Variants in VWA8 observed in about 807,000 individuals in gnomAD.
The protein encoded by VWA8 is von Willebrand factor A domain containing 8, also known as von Willebrand factor A domain-containing protein 8.
VWA8 carries 221 observed loss-of-function variants against 241.5 expected under a neutral mutation model. The observed-to-expected ratio is 0.91, with a 90% CI of 0.82 to 1.02. The LOEUF (loss-of-function observed/expected upper bound fraction) is 1.02. Among genes scored for constraint, VWA8 ranks in the 50% least tolerant of loss-of-function variants. The pLI is 0.00. For synonymous variants in VWA8, 852 were observed against 827.1 expected, an observed-to-expected ratio of 1.03 and a Z score of -0.52; for missense variants, 2,322 against 2,328.7, an observed-to-expected ratio of 1.00 and a Z score of 0.06.
chr13:41,917,665 T>C (rs1382567150), intron 2 of VWA8, among the ~76,000 whole-genome samples: 2 of 152,144 alleles, frequency 1.3e-5, no homozygotes, highest in East Asian at 1.9e-4. Context: ...GGCTGTATAG[T>C]GTGGATTTGG....
At chr13:41,903,263 C>T (rs1566500694) in intron 4 of VWA8, among the ~76,000 whole-genome samples, 1 of 151,992 alleles carries the variant, frequency 6.6e-6, no homozygotes, top group Non-Finnish European at 1.5e-5. Flanking sequence ...TAAATTAAGG[C>T]CAGAACCCAC....
chr13:41,822,406 C>T (rs1227502810), intron 14 of VWA8, among the ~76,000 whole-genome samples: 3 of 152,144 alleles, frequency 2.0e-5, no homozygotes, highest in Non-Finnish European at 4.4e-5. Flanking sequence ...TGTACACAGA[C>T]CATATTTCCC....
At chr13:41,920,389 G>C (rs922797861) in intron 2 of VWA8, among the ~76,000 whole-genome samples, 8 of 152,096 alleles carry the variant, frequency 5.3e-5, no homozygotes, top group South Asian at 4.1e-4. Context: ...TCAGAGGCAA[G>C]AGCAAACACA....
chr13:41,902,059 T>G (rs2138099759), intron 4 of VWA8, among the ~76,000 whole-genome samples: 1 of 151,334 alleles, frequency 6.6e-6, no homozygotes. Context: ...ACTGTCCAAG[T>G]GCAAATTAGG....
At chr13:41,862,926 T>C (rs1233572506) in intron 12 of VWA8, among the ~76,000 whole-genome samples, 1 of 152,294 alleles carries the variant, frequency 6.6e-6, no homozygotes, top group East Asian at 1.9e-4. Context: ...CCTTACTAAG[T>C]ATATACTCAA....
chr13:41,770,732 C>T (rs1457844214), intron 20 of VWA8, among the ~76,000 whole-genome samples: 1 of 151,570 alleles, frequency 6.6e-6, no homozygotes, highest in Non-Finnish European at 1.5e-5. Context: ...AGAAGGCATC[C>T]TGTATGAAAA....
Position 41,719,473 on chromosome 13 carries a change from T to C in VWA8, c.3116+118A>G, listed in dbSNP as rs2045368228. 4 of 1,549,824 alleles carry C rather than the reference T, an allele frequency of 2.6e-6. No individual in the cohort carries two copies. The South Asian group carries it at 3.7e-5, about 14-fold the overall frequency. ...GCCAGCAAACAGCAACATATACATG[T>C]ATTTGAAAAGCTTACTCATGGAAAG... On this transcript the variant is annotated intron_variant, in intron 26 of 44. Transcript: ENST00000379310.
chr13:41,571,932 G>A (rs1041233381), intron 43 of VWA8, among the ~76,000 whole-genome samples: 1 of 151,954 alleles, frequency 6.6e-6, no homozygotes, highest in African/African-American at 2.4e-5. Context: ...CCCATCGTCT[G>A]AGATGTGAGG....
intron 37 of VWA8, among the ~76,000 whole-genome samples, chr13:41,645,597 T>C (rs2044826162): frequency 6.6e-6 from 1 of 152,146 alleles, no homozygotes; most frequent in African/African-American, 2.4e-5. Flanking sequence ...CCTGAAAACA[T>C]GTTTGCTGTC....
chr13:41,765,141 C>G (rs2045770711), intron 20 of VWA8, among the ~76,000 whole-genome samples: 1 of 149,066 alleles, frequency 6.7e-6, no homozygotes, highest in African/African-American at 2.5e-5. Flanking sequence ...TGGCAGGTCA[C>G]AGAAGAAACA....
intron 37 of VWA8, among the ~76,000 whole-genome samples, chr13:41,665,570 AGTAAGTACTTAAT>A (rs1010852921): frequency 3.7e-5 from 5 of 135,756 alleles, no homozygotes; most frequent in Admixed American, 1.4e-4. Context: ...AAGTACATTA[AGTAAGTACTTAAT>A]GTAAGTACTT....
At chr13:41,669,497 G>T (rs543836156) in intron 37 of VWA8, among the ~76,000 whole-genome samples, 6 of 152,242 alleles carry the variant, frequency 3.9e-5, no homozygotes, top group South Asian at 4.2e-4. Context: ...TGTATATATA[G>T]CCAGAGAAGT....
Position 41,865,816 on chromosome 13 carries a change from A to T in VWA8, c.1348-3T>A. On this transcript the variant is annotated splice_region_variant and splice_polypyrimidine_tract_variant and intron_variant, in intron 11 of 44. Coordinates refer to ENST00000379310, the MANE Select transcript of VWA8 (RefSeq NM_015058.2). Reference sequence around the variant, plus strand: ...GCGATCACTGTTTTTCCACAACCCTACAAATGGAAAAAATTATTCAAGAGG... The same window carrying T: ...GCGATCACTGTTTTTCCACAACCCTTCAAATGGAAAAAATTATTCAAGAGG... The T allele has an allele frequency of 1.2e-6, 2 of 1,614,164 alleles. No individual in the cohort carries two copies.
intron 22 of VWA8, among the ~76,000 whole-genome samples, chr13:41,731,762 T>C (rs11843873): frequency 0.014 from 2,177 of 152,172 alleles, 48 homozygotes; most frequent in African/African-American, 0.048. Context: ...ACTGTTCTTG[T>C]GGTAATGAAT....
intron 8 of VWA8, among the ~76,000 whole-genome samples, chr13:41,885,143 T>C (rs942351230): frequency 2.0e-5 from 3 of 152,188 alleles, no homozygotes; most frequent in African/African-American, 7.2e-5. Context: ...TATCATAAAA[T>C]CCAGGAAACT....
chr13:41,710,718 T>C (rs2045310929), intron 26 of VWA8, among the ~76,000 whole-genome samples: 1 of 152,200 alleles, frequency 6.6e-6, no homozygotes, highest in African/African-American at 2.4e-5. Flanking sequence ...CATATAATAA[T>C]TCGGGAAAAT....
intron 13 of VWA8, among the ~76,000 whole-genome samples, chr13:41,831,207 C>T (rs1355834990): frequency 6.6e-6 from 1 of 152,162 alleles, no homozygotes; most frequent in Non-Finnish European, 1.5e-5. Context: ...CTCACACCAA[C>T]CCCTAAGTCT....
chr13:41,839,444 G>A (rs772633713), intron 12 of VWA8, among the ~76,000 whole-genome samples: 12 of 152,152 alleles, frequency 7.9e-5, no homozygotes, highest in Non-Finnish European at 1.5e-4. Context: ...TAGGTTGGCT[G>A]CTCACTCTGA....
intron 24 of VWA8, among the ~76,000 whole-genome samples, chr13:41,724,965 T>C (rs1304042972): frequency 2.0e-5 from 3 of 152,030 alleles, no homozygotes; most frequent in Non-Finnish European, 2.9e-5. Flanking sequence ...TTGAGGCCCA[T>C]TGTTAAGAAT....
Sources: allele counts gnomAD v4.1 joint callset (sites outside exome capture counted in the v4.1 genomes callset), GRCh38; gene constraint gnomAD v4.1.1; transcripts MANE v1.5; gene names NCBI Gene and HGNC (gene_info 2026-07-23, HGNC 2026-07-21).